TCF7L2: variants seen among roughly 807,000 people sequenced by gnomAD.
TCF7L2 encodes transcription factor 7-like 2.
A neutral mutation model predicts 77.9 loss-of-function variants in TCF7L2; 23 were observed. The ratio of observed to expected loss-of-function variants is 0.30; its 90% CI spans 0.21 to 0.42. The LOEUF (loss-of-function observed/expected upper bound fraction) is 0.42. Among genes scored for constraint, TCF7L2 ranks in the 10% least tolerant of loss-of-function variants. The probability of loss-of-function intolerance (pLI) is 1.00; values close to 1 mark genes in which losing one functional copy is unlikely to be tolerated. For synonymous variants in TCF7L2, 413 were observed against 340.2 expected (o/e 1.21, Z -2.36); for missense variants, 654 against 793.1 (o/e 0.82, Z 2.11).
chr10:112,970,948 G>C (rs2038109534), intron 4 of TCF7L2, among the ~76,000 whole-genome samples: 1 of 152,204 alleles, frequency 6.6e-6, no homozygotes, highest in African/African-American at 2.4e-5. Flanking sequence ...ATTAGAGAGA[G>C]ATCATTTCAC....
intron 5 of TCF7L2, among the ~76,000 whole-genome samples, chr10:113,090,297 T>C (rs1472241715): frequency 6.6e-6 from 1 of 152,182 alleles, no homozygotes; most frequent in Non-Finnish European, 1.5e-5. Flanking sequence ...AGTGTTAGCT[T>C]TTAAAAAAAG....
chr10:113,120,459 A>G (rs1313991504), intron 5 of TCF7L2, among the ~76,000 whole-genome samples: 3 of 152,212 alleles, frequency 2.0e-5, no homozygotes, highest in Non-Finnish European at 4.4e-5. Flanking sequence ...GTACTGGTAG[A>G]GTATCTTGTA....
At position 112,951,578 on chromosome 10, in the gene TCF7L2, A is replaced by G; in HGVS notation, c.352A>G (p.Asn118Asp). 7.4e-7 allele frequency: 1 copy of G among 1,345,520 alleles called. No individual in the cohort carries two copies. Among genetic ancestry groups the G allele is most frequent in the Non-Finnish European group, 9.8e-7 (1 of 1,023,090 alleles). The allele number at this position is 1,345,520 out of a possible 1,614,324, so 83.3% of individuals were successfully genotyped here. ...CGACCTGACGAGCCCCTACCTCCCCAACGGATCGCTCTCGCCCACCGCCCG... is the reference window on the plus strand; with the variant it reads ...CGACCTGACGAGCCCCTACCTCCCCGACGGATCGCTCTCGCCCACCGCCCG... Residue 118 changes from asparagine (N) to aspartate (D), a missense_variant, in exon 3 of 14, where the codon AAC (asparagine) becomes GAC (aspartate). Around this residue, in one of 6 missense-constraint regions of TCF7L2, gnomAD observed 132 missense variants for 123.7 expected, o/e 1.07. Transcript: ENST00000627217.
At chr10:113,010,808 G>A (rs1463265585) in intron 4 of TCF7L2, among the ~76,000 whole-genome samples, 1 of 152,336 alleles carries the variant, frequency 6.6e-6, no homozygotes, top group Non-Finnish European at 1.5e-5. Context: ...GAGCTCGGGA[G>A]TTCCAGACCA....
intron 4 of TCF7L2, among the ~76,000 whole-genome samples, chr10:112,977,359 C>T (rs180995074): frequency 1.3e-5 from 2 of 152,282 alleles, no homozygotes; most frequent in East Asian, 1.9e-4. Context: ...TAAGTTGATT[C>T]AGTAAGCATT....
At chr10:113,159,242 A>G (rs1436442127) in intron 12 of TCF7L2, among the ~76,000 whole-genome samples, 4 of 151,954 alleles carry the variant, frequency 2.6e-5, no homozygotes, top group Admixed American at 1.3e-4. Flanking sequence ...AAATGCTGCT[A>G]TGAGCTTCTA....
intron 5 of TCF7L2, among the ~76,000 whole-genome samples, chr10:113,098,662 C>T (rs1053741842): frequency 1.4e-4 from 21 of 151,828 alleles, no homozygotes; most frequent in Admixed American, 1.2e-3. Flanking sequence ...GCTGAGATCG[C>T]GCCACTGCAC....
chr10:112,953,783 C>T (rs1047619409), intron 3 of TCF7L2, among the ~76,000 whole-genome samples: 2 of 152,184 alleles, frequency 1.3e-5, no homozygotes, highest in Admixed American at 1.3e-4. Context: ...CTTTTGTGGG[C>T]ATTATAGGAA....
chr10:113,099,535 G>A (rs543467008), intron 5 of TCF7L2, among the ~76,000 whole-genome samples: 30 of 152,300 alleles, frequency 2.0e-4, no homozygotes, highest in African/African-American at 6.3e-4. Context: ...CGTCTTCCTG[G>A]CTGTTGTTCA....
chr10:112,959,742 A>G (rs2034578841), intron 3 of TCF7L2, among the ~76,000 whole-genome samples: 1 of 152,158 alleles, frequency 6.6e-6, no homozygotes, highest in South Asian at 2.1e-4. Context: ...TTTCCCATTA[A>G]ATGTAAAAGG....
chr10:113,136,791 GT>G (rs1174122008), intron 5 of TCF7L2, among the ~76,000 whole-genome samples: 1 of 152,208 alleles, frequency 6.6e-6, no homozygotes, highest in African/African-American at 2.4e-5. Context: ...TTTCTGGAAG[GT>G]TGTCTATGTT....
intron 5 of TCF7L2, among the ~76,000 whole-genome samples, chr10:113,081,880 C>G (rs2059347343): frequency 6.6e-6 from 1 of 152,200 alleles, no homozygotes; most frequent in African/African-American, 2.4e-5. Context: ...AGGCTGCGCC[C>G]AGGCTGGAGT....
chr10:113,160,545 A>G, intron 12 of TCF7L2: 1 of 1,355,262 alleles, frequency 7.4e-7, no homozygotes, highest in Non-Finnish European at 1.0e-6. Flanking sequence ...AGGAAGCTGT[A>G]GCTGAGATTT....
intron 4 of TCF7L2, among the ~76,000 whole-genome samples, chr10:112,965,788 T>G (rs2036633177): frequency 6.6e-6 from 1 of 152,116 alleles, no homozygotes; most frequent in Non-Finnish European, 1.5e-5. Flanking sequence ...ACGGAATTAT[T>G]CCGCCAGTGA....
intron 5 of TCF7L2, 114 bp from the exon 6 acceptor site, chr10:113,141,070 T>G: frequency 7.3e-7 from 1 of 1,370,392 alleles, no homozygotes; most frequent in South Asian, 1.3e-5. Context: ...TGAGTGCATC[T>G]TAGAAAATCC....
rs1363982017 is a variant in TCF7L2, at chr10:113,167,544, C to T, written c.*1572C>T. ...CCTAACAGTTGTGATGTTACTGTTC[C>T]GTTTTATGCTCTTATTCCAAGTTCA... On this transcript the variant is annotated 3_prime_UTR_variant, in exon 14 of 14. Transcript: ENST00000627217. The T allele has an allele frequency of 4.7e-6, 1 of 212,472 alleles. No individual in the cohort carries two copies. The highest frequency in any genetic ancestry group is 5.9e-5 in the Admixed American group (1 of 17,002). The allele number at this position is 212,472 out of a possible 1,614,324, so 13.2% of individuals were successfully genotyped here.
At chr10:113,089,231 G>A (rs189897607) in intron 5 of TCF7L2, among the ~76,000 whole-genome samples, 3 of 152,262 alleles carry the variant, frequency 2.0e-5, no homozygotes, top group Non-Finnish European at 4.4e-5. Context: ...TGGATGGCAG[G>A]GAAATAGGAG....
At position 112,951,538 on chromosome 10, in the gene TCF7L2, C is replaced by T. The variant is rs777320044; in HGVS notation, c.312C>T (p.Pro104=). 3 of 1,426,670 alleles carry T rather than the reference C, an allele frequency of 2.1e-6. No homozygotes were observed. The highest frequency in any genetic ancestry group is 3.5e-5 in the East Asian group (1 of 28,736). The allele number at this position is 1,426,670 out of a possible 1,614,324, so 88.4% of individuals were successfully genotyped here. Residue 104 remains proline (P), a synonymous_variant, in exon 3 of 14, where the codon CCC becomes CCT. Transcript: ENST00000627217. ...AGGGGCCACCGTATCCCGGCTACCC[C>T]TTCATCATGATCCCCGACCTGACGA...
At chr10:112,964,895 TG>T (rs1201007931) in intron 4 of TCF7L2, among the ~76,000 whole-genome samples, 1 of 151,580 alleles carries the variant, frequency 6.6e-6, no homozygotes, top group African/African-American at 2.4e-5. Flanking sequence ...TTTAGAGATA[TG>T]GAAAGAAAGA....
Sources: gnomAD v4.1 joint callset for allele counts (sites outside exome capture counted in the v4.1 genomes callset) on GRCh38, gnomAD v4.1.1 for gene constraint, gnomAD v4.1.1 regional missense constraint, MANE v1.5 for transcripts, NCBI Gene and HGNC (gene_info 2026-07-23, HGNC 2026-07-21) for gene names.